PAFAH1B1: variants seen among roughly 807,000 people sequenced by gnomAD.
PAFAH1B1 encodes the protein platelet activating factor acetylhydrolase 1b regulatory subunit 1, also known as platelet-activating factor acetylhydrolase IB subunit beta.
PAFAH1B1 carries 2 observed loss-of-function variants against 57.5 expected under a neutral mutation model. The ratio of observed to expected loss-of-function variants is 0.03; its 90% CI spans 0.01 to 0.11. The LOEUF (loss-of-function observed/expected upper bound fraction) is 0.11, where lower values mean the gene tolerates loss of function less well. PAFAH1B1 is among the 10% of genes least tolerant of loss of function. The pLI is 1.00. For synonymous variants in PAFAH1B1, 152 were observed against 169.6 expected, an observed-to-expected ratio of 0.90 and a Z score of 0.81; for missense variants, 257 against 512.0, an observed-to-expected ratio of 0.50 and a Z score of 4.81.
chr17:2,679,368 AGATGGATGAATGATT>A (rs2069328040), intron 9 of PAFAH1B1, among the ~76,000 whole-genome samples: 1 of 7,466 alleles, frequency 1.3e-4, no homozygotes, highest in Admixed American at 4.2e-3. Flanking sequence ...ATGGATGATT[AGATGGATGAATGATT>A]GGATGGATGG....
In PAFAH1B1 at chr17:2,674,051, T is replaced by C; in HGVS notation, c.672-9T>C. On this transcript the variant is annotated splice_polypyrimidine_tract_variant and intron_variant, in intron 7 of 10. Transcript: ENST00000397195. ...CATTCACAGTGTAAGTTATTATTTATATTGACAGCTACTGTGTGAAGACAT... is the reference window on the plus strand; with the variant it reads ...CATTCACAGTGTAAGTTATTATTTACATTGACAGCTACTGTGTGAAGACAT... 1 of 1,584,112 alleles carries C rather than the reference T, an allele frequency of 6.3e-7. No individual in the cohort carries two copies. Among genetic ancestry groups the C allele is most frequent in the Non-Finnish European group, 8.7e-7 (1 of 1,153,252 alleles).
intron 1 of PAFAH1B1, among the ~76,000 whole-genome samples, chr17:2,626,136 A>C (rs1008499732): frequency 2.0e-5 from 3 of 151,782 alleles, no homozygotes; most frequent in Non-Finnish European, 2.9e-5. Context: ...CACCTGTAAT[A>C]CCAGCTACTC....
intron 2 of PAFAH1B1, among the ~76,000 whole-genome samples, chr17:2,652,292 G>C (rs932200511): frequency 6.6e-6 from 1 of 152,116 alleles, no homozygotes; most frequent in African/African-American, 2.4e-5. Flanking sequence ...GCGGGTGCCT[G>C]TAGTCCCAGC....
At chr17:2,594,976 A>G (rs567049577) in intron 1 of PAFAH1B1, among the ~76,000 whole-genome samples, 71 of 152,276 alleles carry the variant, frequency 4.7e-4, no homozygotes, top group African/African-American at 1.6e-3. Context: ...ATAGCTTTAT[A>G]TGTTATGCTA....
chr17:2,654,223 C>G (rs1297204652), intron 2 of PAFAH1B1, among the ~76,000 whole-genome samples: 5 of 135,174 alleles, frequency 3.7e-5, no homozygotes, highest in Non-Finnish European at 7.8e-5. Flanking sequence ...CAGTTTTGCT[C>G]TTATCGCCTA....
intron 10 of PAFAH1B1, chr17:2,681,375 G>T: frequency 5.7e-6 from 1 of 176,988 alleles, no homozygotes; most frequent in South Asian, 1.4e-4. Flanking sequence ...ATACCTTCTT[G>T]GGTTATGGTA....
intron 2 of PAFAH1B1, chr17:2,639,610 T>A (rs2151635510): frequency 6.6e-6 from 1 of 152,236 alleles, no homozygotes; most frequent in Middle Eastern, 3.4e-3. Context: ...CTTCTTTTTT[T>A]TTTTGAGATG....
chr17:2,642,404 TG>T (rs1214196744), intron 2 of PAFAH1B1: 2 of 152,150 alleles, frequency 1.3e-5, no homozygotes, highest in African/African-American at 4.8e-5. Context: ...CATTAGAACT[TG>T]GGGATAAGTG....
intron 5 of PAFAH1B1, 77 bp from the exon 6 acceptor site, chr17:2,670,086 T>TG (rs1374524491): frequency 8.5e-7 from 1 of 1,181,102 alleles, no homozygotes; most frequent in African/African-American, 1.5e-5. Context: ...GGTGCCAGAC[T>TG]GGCCTGCTGA....
intron 1 of PAFAH1B1, among the ~76,000 whole-genome samples, chr17:2,611,383 G>A (rs919651431): frequency 1.3e-5 from 2 of 151,766 alleles, no homozygotes; most frequent in South Asian, 2.1e-4. Context: ...CAGGAGAATC[G>A]CTTGAACCTG....
intron 3 of PAFAH1B1, 49 bp downstream of exon 3, chr17:2,665,505 C>T (rs2151659473): frequency 9.4e-7 from 1 of 1,058,364 alleles, no homozygotes; most frequent in South Asian, 1.3e-5. Context: ...AGTGGATTTT[C>T]ACTCAAGTAT....
At chr17:2,675,156 A>G (rs528318943) in intron 8 of PAFAH1B1, among the ~76,000 whole-genome samples, 1 of 152,086 alleles carries the variant, frequency 6.6e-6, no homozygotes, top group Non-Finnish European at 1.5e-5. Flanking sequence ...TGCATGTACC[A>G]CCCTGCCAGC....
chr17:2,665,862 A>G (rs2069100341), intron 3 of PAFAH1B1, among the ~76,000 whole-genome samples, 154 bp from the exon 4 acceptor site: 1 of 152,136 alleles, frequency 6.6e-6, no homozygotes, highest in South Asian at 2.1e-4. Flanking sequence ...TTAGCTTCCC[A>G]AAGTGCTGGG....
Position 2,605,785 on chromosome 17 carries a change from G to T in PAFAH1B1, c.-191+11779G>T, listed in dbSNP as rs80029096. 5.5e-3 allele frequency among the ~76,000 whole-genome samples: 836 copies of T among 152,072 alleles called. 36 individuals are homozygous for T. The East Asian group carries it at 0.11, about 20-fold the overall frequency. ...GCGTATATAAAATGTATTATCTGAC[G>T]TGTCAAGTGAGTTAATGCATTTAAA... On this transcript the variant is annotated intron_variant, in intron 1 of 10. Coordinates refer to ENST00000397195, the MANE Select transcript of PAFAH1B1 (RefSeq NM_000430.4).
chr17:2,634,622 A>G (rs1424074001), intron 1 of PAFAH1B1, among the ~76,000 whole-genome samples: 1 of 151,338 alleles, frequency 6.6e-6, no homozygotes, highest in African/African-American at 2.4e-5. Context: ...CATTACTGTA[A>G]GCTTCCTTTC....
chr17:2,641,576 C>T (rs1224764591), intron 2 of PAFAH1B1: 7 of 152,152 alleles, frequency 4.6e-5, no homozygotes, highest in African/African-American at 1.4e-4. Context: ...TGAGAGCCCC[C>T]TCAGTTGATG....
chr17:2,615,536 G>A (rs1289135475), intron 1 of PAFAH1B1, among the ~76,000 whole-genome samples: 1 of 152,036 alleles, frequency 6.6e-6, no homozygotes, highest in Admixed American at 6.6e-5. Flanking sequence ...TGCCGCCCGG[G>A]TTCAAGCGAT....
At chr17:2,629,272 A>G (rs1427728483) in intron 1 of PAFAH1B1, among the ~76,000 whole-genome samples, 1 of 152,150 alleles carries the variant, frequency 6.6e-6, no homozygotes, top group Non-Finnish European at 1.5e-5. Context: ...GCTGTATCCC[A>G]GAGGTTTTGA....
chr17:2,622,410 G>T (rs1373137566), intron 1 of PAFAH1B1, among the ~76,000 whole-genome samples: 1 of 152,170 alleles, frequency 6.6e-6, no homozygotes, highest in East Asian at 1.9e-4. Flanking sequence ...CATTCCAAAT[G>T]GGAGAAATTG....
Sources: gnomAD v4.1 joint callset for allele counts (sites outside exome capture counted in the v4.1 genomes callset) on GRCh38, gnomAD v4.1.1 for gene constraint, MANE v1.5 for transcripts, NCBI Gene and HGNC (gene_info 2026-07-23, HGNC 2026-07-21) for gene names.